The following BLK variants were observed in gnomAD, a reference collection of about 807,000 sequenced individuals.
The protein encoded by BLK is tyrosine-protein kinase Blk.
A neutral mutation model predicts 61.8 loss-of-function variants in BLK; 64 were observed. The ratio of observed to expected loss-of-function variants is 1.03; its 90% CI spans 0.85 to 1.27. The LOEUF (loss-of-function observed/expected upper bound fraction) is 1.27, where lower values mean the gene tolerates loss of function less well. Ranked by LOEUF, BLK falls within the 50% of genes most tolerant of loss-of-function variation. The probability of loss-of-function intolerance (pLI) is 0.00; values close to 1 mark genes in which losing one functional copy is unlikely to be tolerated. For synonymous variants in BLK, 351 were observed against 272.0 expected (o/e 1.29, Z -2.86); for missense variants, 853 against 660.5 (o/e 1.29, Z -3.19).
chr8:11,537,901 T>C (rs529238983), intron 1 of BLK, among the ~76,000 whole-genome samples: 131 of 152,250 alleles, frequency 8.6e-4, no homozygotes, highest in Non-Finnish European at 1.4e-3. Flanking sequence ...AAAGCAAACA[T>C]TGACTGCCCT....
intron 10 of BLK, 136 bp downstream of exon 10, chr8:11,558,174 C>G (rs1204515173): frequency 2.4e-6 from 2 of 824,666 alleles, no homozygotes; most frequent in Non-Finnish European, 4.0e-6. Flanking sequence ...TTCCTCTAGG[C>G]AGATATCCCC....
intron 10 of BLK, chr8:11,559,014 C>A: frequency 2.2e-6 from 1 of 456,262 alleles, no homozygotes; most frequent in Non-Finnish European, 4.4e-6. Flanking sequence ...GTGCTGGTAA[C>A]CGGCTTCAAA....
At chr8:11,562,399 G>A (rs953415623) in intron 11 of BLK, among the ~76,000 whole-genome samples, 1 of 152,212 alleles carries the variant, frequency 6.6e-6, no homozygotes, top group Non-Finnish European at 1.5e-5. Flanking sequence ...CTTCAGGCTG[G>A]CTGGGGAGAC....
chr8:11,538,594 G>A (rs1320046061), intron 1 of BLK, among the ~76,000 whole-genome samples: 2 of 152,250 alleles, frequency 1.3e-5, no homozygotes, highest in African/African-American at 4.8e-5. Flanking sequence ...TGTTGTCTCA[G>A]TGGACACAGG....
chr8:11,529,752 C>T (rs1799812899), intron 1 of BLK, among the ~76,000 whole-genome samples: 1 of 152,142 alleles, frequency 6.6e-6, no homozygotes, highest in African/African-American at 2.4e-5. Flanking sequence ...AGCCTATGCC[C>T]AGGAATGACC....
At position 11,556,236 on chromosome 8, in the gene BLK, T is replaced by C. The variant is rs144070709; in HGVS notation, c.773-422T>C. ...TTTAAGGAGTGGGACAGGATCGCCA[T>C]GGGGCTTCAGAAGGAGGGAAGGAGA... On this transcript the variant is annotated intron_variant, in intron 8 of 12. Coordinates refer to ENST00000259089, the MANE Select transcript of BLK (RefSeq NM_001715.3). 82 of 302,464 alleles carry C rather than the reference T, an allele frequency of 2.7e-4. 1 individual carries two copies. The East Asian group carries it at 6.0e-3, about 22-fold the overall frequency. 18.7% of individuals were successfully genotyped at this position (302,464 alleles called of 1,614,324 possible). A position where few individuals can be genotyped will look rare whatever the true frequency, so the allele number is the denominator to read the frequency against.
chr8:11,508,998 C>T (rs1321882051), intron 1 of BLK, among the ~76,000 whole-genome samples: 1 of 152,120 alleles, frequency 6.6e-6, no homozygotes, highest in East Asian at 1.9e-4. Flanking sequence ...CGTTAGCAGC[C>T]CAGCCTGTGG....
Position 11,555,458 on chromosome 8 carries a change from C to G in BLK, c.746C>G (p.Ser249Cys). The G allele has an allele frequency of 6.2e-7, 1 of 1,614,212 alleles. No individual in the cohort carries two copies. Among genetic ancestry groups the G allele is most frequent in the South Asian group, 1.1e-5 (1 of 91,082 alleles). ...CTCAGGCTGGTCAGGAAACTCGGGT[C>G]TGGACAATTCGGCGAAGTCTGGATG... ...QSLRLVRKLG[S>C]GQFGEVWMGY... Residue 249 changes from serine to cysteine, a missense_variant, in exon 8 of 13, where the codon TCT (serine) becomes TGT (cysteine). Physicochemically the swap from Ser to Cys is moderately radical, Grantham distance 112. Coordinates refer to ENST00000259089, the MANE Select transcript of BLK (RefSeq NM_001715.3).
intron 2 of BLK, 41 bp from the exon 3 acceptor site, chr8:11,546,011 G>T (rs777409945): frequency 6.2e-7 from 1 of 1,607,394 alleles, no homozygotes; most frequent in South Asian, 1.1e-5. Context: ...CACCCACGCA[G>T]CAGGGACTGA....
At chr8:11,505,334 G>A (rs1244392264) in intron 1 of BLK, among the ~76,000 whole-genome samples, 1 of 152,070 alleles carries the variant, frequency 6.6e-6, no homozygotes, top group Non-Finnish European at 1.5e-5. Flanking sequence ...AGAGATCTCT[G>A]TTTTCTACTT....
chr8:11,542,313 G>A (rs997436292), intron 1 of BLK, among the ~76,000 whole-genome samples: 3 of 152,212 alleles, frequency 2.0e-5, no homozygotes, highest in African/African-American at 7.2e-5. Context: ...GATGAAATAT[G>A]GTGTGTACAT....
At chr8:11,546,855 C>T (rs529091751) in intron 3 of BLK, among the ~76,000 whole-genome samples, 19 of 152,220 alleles carry the variant, frequency 1.2e-4, no homozygotes, top group African/African-American at 2.4e-4. Flanking sequence ...GGATTACAGG[C>T]GTGAGCCACT....
intron 1 of BLK, among the ~76,000 whole-genome samples, chr8:11,503,631 A>G (rs1798649485): frequency 6.6e-6 from 1 of 152,162 alleles, no homozygotes; most frequent in African/African-American, 2.4e-5. Flanking sequence ...TGCTGTCTGA[A>G]GTAAGCAAGG....
chr8:11,564,593 C>G lies in BLK; in HGVS notation c.*485C>G, dbSNP rs1169889920. On this transcript the variant is annotated 3_prime_UTR_variant, in exon 13 of 13. Transcript: ENST00000259089. ...GGCTTTTCTGCAATAAAGTCACGAG[C>G]GTTCGAGCTGTTCCGTGTCGTTACC... 4.9e-6 allele frequency: 2 copies of G among 411,332 alleles called. No individual in the cohort carries two copies. The highest frequency in any genetic ancestry group is 9.9e-6 in the Non-Finnish European group (2 of 202,070). The allele number at this position is 411,332 out of a possible 1,614,324, so 25.5% of individuals were successfully genotyped here.
At chr8:11,511,781 G>T (rs1296691703) in intron 1 of BLK, among the ~76,000 whole-genome samples, 1 of 152,140 alleles carries the variant, frequency 6.6e-6, no homozygotes, top group East Asian at 1.9e-4. Context: ...CATTCAACAT[G>T]AGATCAATGT....
At chr8:11,555,732 G>C (rs1221298918) in intron 8 of BLK, 1 of 603,608 alleles carries the variant, frequency 1.7e-6, no homozygotes, top group African/African-American at 1.8e-5. Flanking sequence ...CCCCGAAGTC[G>C]CTCCCTCCTT....
chr8:11,552,712 T>A (rs538407188), intron 6 of BLK: 1 of 152,284 alleles, frequency 6.6e-6, no homozygotes, highest in East Asian at 1.9e-4. Context: ...CCATTGCCTA[T>A]TGCTAAGGTG....
rs143344571 is a variant in BLK, at chr8:11,530,854, T to G, written c.-1-12370T>G. Among the ~76,000 whole-genome samples, 835 of 152,352 alleles carry G rather than the reference T, an allele frequency of 5.5e-3. 7 individuals carry two copies. Among genetic ancestry groups the G allele is most frequent in the African/African-American group, 0.017 (703 of 41,570 alleles). On this transcript the variant is annotated intron_variant, in intron 1 of 12. Transcript: ENST00000259089. The stretch of plus-strand genomic sequence containing the variant: ...TATATGTCAAGTCTTTCTGTGGTCA[T>G]ATGTTTTTATTTCTCTTTGATAAGC...
chr8:11,562,839 G>C (rs573271124), intron 11 of BLK, 140 bp from the exon 12 acceptor site: 8 of 1,136,020 alleles, frequency 7.0e-6, no homozygotes, highest in East Asian at 2.4e-5. Context: ...TGGCTCCCCC[G>C]CCATGCCTGG....
Sources: allele counts gnomAD v4.1 joint callset (sites outside exome capture counted in the v4.1 genomes callset), GRCh38; gene constraint gnomAD v4.1.1; transcripts MANE v1.5; gene names NCBI Gene and HGNC (gene_info 2026-07-23, HGNC 2026-07-21).